Variants in STAM observed in about 807,000 individuals in gnomAD.
STAM encodes the protein signal transducing adaptor molecule.
Under a neutral mutation model 63.4 loss-of-function variants are expected in STAM, and 16 were observed. That is an observed-to-expected ratio of 0.25 (90% CI 0.17 to 0.38). The LOEUF is 0.38. Among genes scored for constraint, STAM ranks in the 10% least tolerant of loss-of-function variants. The pLI is 1.00. For synonymous variants in STAM, 238 were observed against 223.9 expected (o/e 1.06, Z -0.56); for missense variants, 636 against 657.1 (o/e 0.97, Z 0.35).
At position 17,695,152 on chromosome 10, in the gene STAM, AAAAGTTCGTG is replaced by A; in HGVS notation, c.640_649del (p.Lys214LeufsTer40). ...TAACTAACCACCAACATGAAGGCCG[AAAAGTTCGTG>A]CTATATATGACTTTGAAGCTGCTGA... is the stretch of plus-strand genomic sequence containing the variant. On this transcript the variant is annotated frameshift_variant, in exon 7 of 14. Transcript: ENST00000377524. LOFTEE classifies it high-confidence loss of function. The A allele has an allele frequency of 6.2e-7, 1 of 1,614,156 alleles. No individual in the cohort carries two copies. The highest frequency in any genetic ancestry group is 8.5e-7 in the Non-Finnish European group (1 of 1,179,994).
chr10:17,673,058 A>AT (rs1834705466), intron 2 of STAM: 4 of 985,198 alleles, frequency 4.1e-6, no homozygotes, highest in Non-Finnish European at 4.8e-6. Flanking sequence ...AGAGATGAGG[A>AT]TTTGCCCACC....
intron 4 of STAM, among the ~76,000 whole-genome samples, 198 bp downstream of exon 4, chr10:17,685,125 C>A (rs1053866765): frequency 2.0e-5 from 3 of 152,040 alleles, no homozygotes; most frequent in Admixed American, 6.6e-5. Flanking sequence ...TTTTTTCAAG[C>A]CATATTAGAG....
chr10:17,657,883 A>G (rs542931624), intron 1 of STAM, among the ~76,000 whole-genome samples: 1 of 149,406 alleles, frequency 6.7e-6, no homozygotes, highest in African/African-American at 2.5e-5. Flanking sequence ...CTTGGCTAGC[A>G]GCATATCGGT....
chr10:17,658,035 A>G (rs1834012115), intron 1 of STAM, among the ~76,000 whole-genome samples: 1 of 151,854 alleles, frequency 6.6e-6, no homozygotes, highest in Admixed American at 6.6e-5. Context: ...TTGCTCTTCT[A>G]GTTTCCTAAG....
chr10:17,659,201 A>G (rs188835608), intron 1 of STAM, among the ~76,000 whole-genome samples: 1 of 152,046 alleles, frequency 6.6e-6, no homozygotes, highest in African/African-American at 2.4e-5. Context: ...GTACCACTTC[A>G]TGTGTAATGC....
chr10:17,708,038 C>T (rs1461338692), intron 12 of STAM, among the ~76,000 whole-genome samples: 1 of 152,054 alleles, frequency 6.6e-6, no homozygotes, highest in Non-Finnish European at 1.5e-5. Context: ...CTGCAGGCGC[C>T]CGCCACCACG....
At chr10:17,694,641 T>TA (rs1835677414) in intron 6 of STAM, among the ~76,000 whole-genome samples, 1 of 152,212 alleles carries the variant, frequency 6.6e-6, no homozygotes, top group South Asian at 2.1e-4. Context: ...AGATTGCCTT[T>TA]AAGGCTTTGA....
intron 2 of STAM, among the ~76,000 whole-genome samples, chr10:17,663,490 A>G (rs1211654793): frequency 6.6e-6 from 1 of 152,248 alleles, no homozygotes; most frequent in East Asian, 1.9e-4. Flanking sequence ...AGTGAATTCG[A>G]TAATGAAGGT....
intron 7 of STAM, 93 bp downstream of exon 7, chr10:17,695,334 T>C: frequency 8.4e-7 from 1 of 1,190,150 alleles, no homozygotes; most frequent in Non-Finnish European, 1.2e-6. Flanking sequence ...CCAAATACAA[T>C]AATAAATATT....
intron 4 of STAM, among the ~76,000 whole-genome samples, chr10:17,685,248 G>T (rs1835248998): frequency 1.3e-5 from 2 of 152,056 alleles, no homozygotes; most frequent in South Asian, 4.2e-4. Flanking sequence ...TAGGCACAAG[G>T]TATTTTCCTA....
intron 1 of STAM, among the ~76,000 whole-genome samples, chr10:17,656,581 A>T (rs1433629677): frequency 2.0e-5 from 3 of 152,208 alleles, no homozygotes; most frequent in Non-Finnish European, 4.4e-5. Flanking sequence ...ATGTTGAATC[A>T]GCCTTGCATA....
At position 17,714,798 on chromosome 10, in the gene STAM, G is replaced by A. The variant is rs969886418; in HGVS notation, c.*18G>A. On this transcript the variant is annotated 3_prime_UTR_variant, in exon 14 of 14. Transcript: ENST00000377524. The stretch of plus-strand genomic sequence containing the variant: ...TGCTATAGGACCCGGTGTTCCTCTT[G>A]GTGGCAGATACCTGCTAAATGCCAC... 1 of 1,605,128 alleles carries A rather than the reference G, an allele frequency of 6.2e-7. No individual in the cohort carries two copies. The highest frequency in any genetic ancestry group is 8.5e-7 in the Non-Finnish European group (1 of 1,171,864).
intron 1 of STAM, among the ~76,000 whole-genome samples, chr10:17,659,496 G>C (rs1834077560): frequency 8.0e-6 from 1 of 124,444 alleles, no homozygotes; most frequent in Non-Finnish European, 1.6e-5. Context: ...AAAGAGATAG[G>C]ATCTTGCTCT....
chr10:17,680,479 G>A (rs547258264), intron 2 of STAM, among the ~76,000 whole-genome samples: 2 of 150,142 alleles, frequency 1.3e-5, no homozygotes, highest in Non-Finnish European at 3.0e-5. Context: ...CTGGAGTTCA[G>A]TGGCGCAATC....
At chr10:17,667,131 T>A (rs1308163117) in intron 2 of STAM, among the ~76,000 whole-genome samples, 2 of 26,932 alleles carry the variant, frequency 7.4e-5, no homozygotes, top group Non-Finnish European at 1.4e-4. Flanking sequence ...TTAAATAATT[T>A]TTTTTTTTTT....
chr10:17,678,374 C>A (rs1834941410), intron 2 of STAM, among the ~76,000 whole-genome samples: 1 of 152,078 alleles, frequency 6.6e-6, no homozygotes, highest in African/African-American at 2.4e-5. Context: ...CCTGCCTCAG[C>A]CTCCTGGGTA....
intron 1 of STAM, among the ~76,000 whole-genome samples, chr10:17,646,603 C>T (rs181421561): frequency 6.6e-6 from 1 of 152,258 alleles, no homozygotes; most frequent in Non-Finnish European, 1.5e-5. Context: ...AGTGTAGCAA[C>T]ATTGTTTTGC....
Position 17,658,247 on chromosome 10 carries a change from GA to G in STAM, c.41-2216del, listed in dbSNP as rs138069062. 2.0e-3 allele frequency among the ~76,000 whole-genome samples: 297 copies of G among 151,896 alleles called. 1 individual carries two copies. The highest frequency in any genetic ancestry group is 6.9e-3 in the African/African-American group (288 of 41,466). ...GTGTGTTAGTCTCCATGTACTTTGG[GA>G]TTTTCCAGCTATCTTTCTGTTATTG... On this transcript the variant is annotated intron_variant, in intron 1 of 13. Transcript: ENST00000377524.
intron 7 of STAM, chr10:17,696,499 A>G (rs782468669): frequency 3.2e-6 from 1 of 312,796 alleles, no homozygotes; most frequent in East Asian, 5.7e-5. Flanking sequence ...GAAGCTGACA[A>G]TTTTTTCGTA....
Sources: allele counts gnomAD v4.1 joint callset (sites outside exome capture counted in the v4.1 genomes callset), GRCh38; gene constraint gnomAD v4.1.1; transcripts MANE v1.5; gene names NCBI Gene and HGNC (gene_info 2026-07-23, HGNC 2026-07-21).